The following WSCD2 variants were observed in gnomAD, a reference collection of about 807,000 sequenced individuals.
The protein encoded by WSCD2 is WSC domain sialate O sulfotransferase 2.
A neutral mutation model predicts 55.7 loss-of-function variants in WSCD2; 28 were observed. The ratio of observed to expected loss-of-function variants is 0.50; its 90% CI spans 0.37 to 0.69. The LOEUF is 0.69. Among genes scored for constraint, WSCD2 ranks in the 30% least tolerant of loss-of-function variants. The probability of loss-of-function intolerance (pLI) is 0.00; values close to 1 mark genes in which losing one functional copy is unlikely to be tolerated. For missense variants in WSCD2, 616 were observed against 762.1 expected, an observed-to-expected ratio of 0.81 and a Z score of 2.26; for synonymous variants, 301 against 301.9, an observed-to-expected ratio of 1.00 and a Z score of 0.03.
At chr12:108,245,589 C>T (rs1000192136) in intron 8 of WSCD2, among the ~76,000 whole-genome samples, 1 of 152,160 alleles carries the variant, frequency 6.6e-6, no homozygotes, top group Non-Finnish European at 1.5e-5. Context: ...GGTGGCCAAG[C>T]CTAGAAGTTT....
intron 1 of WSCD2, among the ~76,000 whole-genome samples, chr12:108,151,275 G>T (rs1592892059): frequency 6.6e-6 from 1 of 152,104 alleles, no homozygotes; most frequent in Non-Finnish European, 1.5e-5. Flanking sequence ...AGCATCCCTG[G>T]CCTCTGCCAC....
chr12:108,225,171 A>C (rs1887943289), intron 5 of WSCD2, among the ~76,000 whole-genome samples: 1 of 152,200 alleles, frequency 6.6e-6, no homozygotes, highest in Non-Finnish European at 1.5e-5. Context: ...AATTCATTTG[A>C]AAAAAAGAGA....
intron 4 of WSCD2, among the ~76,000 whole-genome samples, chr12:108,220,971 T>G (rs2374973): frequency 0.67 from 101,895 of 152,014 alleles, 34,527 homozygotes; most frequent in East Asian, 0.72. Flanking sequence ...GGAAGCCAGC[T>G]AGCCTCCCTC....
At chr12:108,146,617 G>T (rs1246419786) in intron 1 of WSCD2, among the ~76,000 whole-genome samples, 1 of 152,210 alleles carries the variant, frequency 6.6e-6, no homozygotes, top group East Asian at 1.9e-4. Flanking sequence ...TGACAGGGCT[G>T]GGCAGGGATT....
intron 8 of WSCD2, among the ~76,000 whole-genome samples, chr12:108,244,212 G>T (rs540713000): frequency 6.6e-6 from 1 of 152,262 alleles, no homozygotes; most frequent in African/African-American, 2.4e-5. Flanking sequence ...TGGCTTTATT[G>T]CCCAGTTTGC....
At chr12:108,223,655 C>T (rs907813900) in intron 4 of WSCD2, among the ~76,000 whole-genome samples, 1 of 152,194 alleles carries the variant, frequency 6.6e-6, no homozygotes, top group Non-Finnish European at 1.5e-5. Context: ...GTCCCCTTTC[C>T]TGTGGTGACT....
At chr12:108,231,817 T>C (rs1377232391) in intron 6 of WSCD2, among the ~76,000 whole-genome samples, 5 of 152,024 alleles carry the variant, frequency 3.3e-5, no homozygotes, top group Non-Finnish European at 5.9e-5. Flanking sequence ...TGAATTGCAA[T>C]TGTGATCAAC....
intron 1 of WSCD2, among the ~76,000 whole-genome samples, chr12:108,152,039 G>A (rs1416330144): frequency 6.6e-6 from 1 of 152,174 alleles, no homozygotes; most frequent in Non-Finnish European, 1.5e-5. Flanking sequence ...CCAGCTCCAG[G>A]CATCAGGGAC....
intron 1 of WSCD2, among the ~76,000 whole-genome samples, chr12:108,179,822 G>A (rs1881434319): frequency 1.3e-5 from 2 of 152,156 alleles, no homozygotes; most frequent in Admixed American, 1.3e-4. Context: ...TGTATAATGG[G>A]GAGAATAGCA....
intron 7 of WSCD2, among the ~76,000 whole-genome samples, chr12:108,235,923 T>A (rs980578870): frequency 4.5e-4 from 69 of 152,170 alleles, no homozygotes; most frequent in African/African-American, 1.6e-3. Context: ...ACAGCATCAG[T>A]CAATCTAGCT....
intron 1 of WSCD2, among the ~76,000 whole-genome samples, chr12:108,145,044 G>A (rs1877242264): frequency 6.6e-6 from 1 of 152,216 alleles, no homozygotes; most frequent in African/African-American, 2.4e-5. Context: ...CCTGAGCAGT[G>A]AAATCCAGGC....
chr12:108,184,237 A>G (rs1410686930), intron 1 of WSCD2, among the ~76,000 whole-genome samples: 1 of 152,134 alleles, frequency 6.6e-6, no homozygotes, highest in Non-Finnish European at 1.5e-5. Context: ...CAAGGGCACA[A>G]GGTTCTCCGG....
chr12:108,240,554 G>A lies in WSCD2; in HGVS notation c.1345+10G>A, dbSNP rs201788054. The A allele has an allele frequency of 1.2e-6, 2 of 1,601,116 alleles. No homozygotes were observed. The highest frequency in any genetic ancestry group is 2.2e-5 in the East Asian group (1 of 44,784). On this transcript the variant is annotated intron_variant, in intron 8 of 8. Coordinates refer to ENST00000547525, the MANE Select transcript of WSCD2 (RefSeq NM_014653.4). ...CACTGGAAGGGCAAAGGTACAGCTCGGGAGAGGAGGGGAGGGGAGGGGAGG... is the reference window on the plus strand; with the variant it reads ...CACTGGAAGGGCAAAGGTACAGCTCAGGAGAGGAGGGGAGGGGAGGGGAGG...
rs80326485 is a variant in WSCD2 at position 108,135,471 on chromosome 12, C to T, written c.-552+5545C>T. Among the ~76,000 whole-genome samples the T allele has an allele frequency of 7.1e-3, 1,089 of 152,340 alleles. 17 individuals carry two copies. The highest frequency in any genetic ancestry group is 0.025 in the African/African-American group (1,019 of 41,564). On this transcript the variant is annotated intron_variant, in intron 1 of 8. Coordinates refer to ENST00000547525, the MANE Select transcript of WSCD2 (RefSeq NM_014653.4). ...ATTTGGCAAAGTCCTTCACACAGTG[C>T]CTTTCATGCTGGAAGCCATAATAAA...
chr12:108,192,696 G>A (rs2137036951), intron 1 of WSCD2, among the ~76,000 whole-genome samples: 1 of 152,254 alleles, frequency 6.6e-6, no homozygotes, highest in South Asian at 2.1e-4. Context: ...GCACCCTCAT[G>A]TGGGCTGTTC....
chr12:108,132,076 G>A (rs769623808), intron 1 of WSCD2, among the ~76,000 whole-genome samples: 17 of 152,062 alleles, frequency 1.1e-4, no homozygotes, highest in East Asian at 1.9e-4. Flanking sequence ...GTGTGCCTGC[G>A]TATGCACACA....
At position 108,139,491 on chromosome 12, in the gene WSCD2, G is replaced by A. The variant is rs116371422; in HGVS notation, c.-552+9565G>A. 1.8e-3 allele frequency among the ~76,000 whole-genome samples: 281 copies of A among 152,286 alleles called. 1 individual carries two copies. The highest frequency in any genetic ancestry group is 6.1e-3 in the African/African-American group (255 of 41,572). ...GAGTAGTACATGCTGCAAAGTGAGCGAATTCGAAGCTGTGTAGTTTTGGAG... is the reference window on the plus strand; with the variant it reads ...GAGTAGTACATGCTGCAAAGTGAGCAAATTCGAAGCTGTGTAGTTTTGGAG... On this transcript the variant is annotated intron_variant, in intron 1 of 8. Coordinates refer to ENST00000547525, the MANE Select transcript of WSCD2 (RefSeq NM_014653.4).
At chr12:108,239,614 T>C (rs1037225517) in intron 7 of WSCD2, among the ~76,000 whole-genome samples, 2 of 152,208 alleles carry the variant, frequency 1.3e-5, no homozygotes, top group Non-Finnish European at 2.9e-5. Context: ...CACATGGCCA[T>C]GCCCATCATC....
intron 1 of WSCD2, among the ~76,000 whole-genome samples, chr12:108,192,169 GA>G (rs1393284862): frequency 1.3e-5 from 2 of 152,240 alleles, no homozygotes; most frequent in African/African-American, 2.4e-5. Context: ...ATGTGCCCTT[GA>G]GGGGCGGAGG....
Sources: gnomAD v4.1 joint callset for allele counts (sites outside exome capture counted in the v4.1 genomes callset) on GRCh38, gnomAD v4.1.1 for gene constraint, MANE v1.5 for transcripts, NCBI Gene and HGNC (gene_info 2026-07-23, HGNC 2026-07-21) for gene names.